The following ATF6 variants were observed in gnomAD, a reference collection of about 807,000 sequenced individuals.
ATF6 encodes the protein cyclic AMP-dependent transcription factor ATF-6 alpha.
A neutral mutation model predicts 83.6 loss-of-function variants in ATF6; 53 were observed. The observed-to-expected ratio is 0.63, with a 90% confidence interval of 0.51 to 0.80. The LOEUF is 0.80. ATF6 is among the 30% of genes least tolerant of loss of function. The pLI, the probability that ATF6 is intolerant of heterozygous loss-of-function variation, is 0.00. For missense variants in ATF6, 744 were observed against 797.9 expected (o/e 0.93, Z 0.81); for synonymous variants, 288 against 285.8 (o/e 1.01, Z -0.08).
chr1:161,917,919 C>T (rs956764379), intron 15 of ATF6, among the ~76,000 whole-genome samples: 18 of 152,100 alleles, frequency 1.2e-4, no homozygotes, highest in Admixed American at 5.9e-4. Context: ...ATAGATAATG[C>T]CTCAAGAAAG....
intron 14 of ATF6, among the ~76,000 whole-genome samples, chr1:161,900,579 T>C (rs550996622): frequency 6.6e-6 from 1 of 152,290 alleles, no homozygotes; most frequent in South Asian, 2.1e-4. Flanking sequence ...ATGTTACTTA[T>C]GAATATAATT....
chr1:161,884,299 A>G (rs1687375713), intron 14 of ATF6, among the ~76,000 whole-genome samples: 1 of 152,120 alleles, frequency 6.6e-6, no homozygotes, highest in Non-Finnish European at 1.5e-5. Context: ...TGAAACAAAC[A>G]CCTCTGCTTT....
At chr1:161,775,785 G>A (rs1684501218) in intron 1 of ATF6, among the ~76,000 whole-genome samples, 1 of 152,104 alleles carries the variant, frequency 6.6e-6, no homozygotes, top group East Asian at 1.9e-4. Context: ...TTTGGTGGAA[G>A]ATGGTATTTA....
intron 15 of ATF6, among the ~76,000 whole-genome samples, chr1:161,913,285 C>G (rs1688027776): frequency 6.6e-6 from 1 of 152,150 alleles, no homozygotes; most frequent in South Asian, 2.1e-4. Context: ...TTGAACTAAC[C>G]TGCAGTCGAA....
intron 15 of ATF6, among the ~76,000 whole-genome samples, chr1:161,939,349 G>T (rs1321849780): frequency 2.0e-5 from 3 of 152,098 alleles, no homozygotes; most frequent in African/African-American, 7.2e-5. Context: ...AAGTTCTAGG[G>T]TACATGTGCA....
intron 9 of ATF6, among the ~76,000 whole-genome samples, chr1:161,823,916 G>C (rs1361704562): frequency 6.6e-6 from 1 of 152,058 alleles, no homozygotes; most frequent in Non-Finnish European, 1.5e-5. Flanking sequence ...GGTATTTCCA[G>C]TTACTTGTTG....
chr1:161,906,978 AC>A (rs1687888108), intron 14 of ATF6, among the ~76,000 whole-genome samples: 1 of 151,560 alleles, frequency 6.6e-6, no homozygotes, highest in African/African-American at 2.4e-5. Context: ...TAATTTTACC[AC>A]CCCTAATTTT....
chr1:161,945,177 C>T (rs184948170), intron 15 of ATF6, among the ~76,000 whole-genome samples: 2 of 152,276 alleles, frequency 1.3e-5, no homozygotes, highest in South Asian at 2.1e-4. Flanking sequence ...AGTGAACCTG[C>T]AAATGATAGC....
intron 7 of ATF6, among the ~76,000 whole-genome samples, chr1:161,811,967 C>G (rs139320373): frequency 2.0e-4 from 31 of 152,228 alleles, no homozygotes; most frequent in African/African-American, 6.7e-4. Flanking sequence ...TTCTGTCAGT[C>G]GACCAAATAT....
intron 3 of ATF6, among the ~76,000 whole-genome samples, chr1:161,783,314 AGAAGATCATGAGG>A (rs1684678174): frequency 6.6e-6 from 1 of 152,180 alleles, no homozygotes; most frequent in East Asian, 1.9e-4. Flanking sequence ...ATCACATTGT[AGAAGATCATGAGG>A]GAAGATCATG....
chr1:161,932,666 G>C (rs1004893670), intron 15 of ATF6, among the ~76,000 whole-genome samples: 6 of 152,078 alleles, frequency 3.9e-5, no homozygotes, highest in African/African-American at 1.4e-4. Context: ...AACTTTAATG[G>C]CTTAAAGCAG....
chr1:161,797,789 T>C lies in ATF6; in HGVS notation c.689-4263T>C, dbSNP rs987504540. ...AATGCTATTCCTATCAAACTATCAA[T>C]GACATTTTTCACACAATTAGGAAAA... On this transcript the variant is annotated intron_variant, in intron 6 of 15. Transcript: ENST00000367942. 2.6e-5 allele frequency among the ~76,000 whole-genome samples: 4 copies of C among 152,130 alleles called. No individual in the cohort carries two copies. In the East Asian group the frequency reaches 5.8e-4, roughly 22 times the overall value.
At chr1:161,920,886 G>T (rs1014447800) in intron 15 of ATF6, among the ~76,000 whole-genome samples, 3 of 152,088 alleles carry the variant, frequency 2.0e-5, no homozygotes, top group African/African-American at 7.2e-5. Flanking sequence ...AACTATTTAG[G>T]CCTGGCTTCA....
Position 161,781,917 on chromosome 1 carries a change from C to T in ATF6, c.165C>T (p.Asn55=). Residue 55 remains asparagine, a synonymous_variant, in exon 3 of 16, where the codon AAC becomes AAT. Transcript: ENST00000367942. The stretch of plus-strand genomic sequence containing the variant: ...TGCTGATTTGAAACCTACAGGAAAA[C>T]AATTTTGATAATCTTGATTTTGATT... ...QLEAANETYE[N]NFDNLDFDLD... is the part of the protein sequence containing the mutation. The T allele has an allele frequency of 6.2e-7, 1 of 1,604,378 alleles. No individual in the cohort carries two copies.
chr1:161,843,728 AGGT>A (rs1686411630), intron 9 of ATF6, among the ~76,000 whole-genome samples: 1 of 152,170 alleles, frequency 6.6e-6, no homozygotes, highest in Non-Finnish European at 1.5e-5. Flanking sequence ...ATTTTGACCT[AGGT>A]GGTATTTCAG....
intron 14 of ATF6, among the ~76,000 whole-genome samples, chr1:161,878,059 T>G (rs149484560): frequency 1.2e-3 from 188 of 152,224 alleles, no homozygotes; most frequent in Non-Finnish European, 1.4e-3. Flanking sequence ...AATCTGGGAC[T>G]CAAGAGAGGA....
intron 1 of ATF6, among the ~76,000 whole-genome samples, chr1:161,769,539 A>G (rs1684338182): frequency 6.6e-6 from 1 of 152,214 alleles, no homozygotes; most frequent in Non-Finnish European, 1.5e-5. Context: ...AGGGAGGCAC[A>G]GGAAATGTTT....
intron 15 of ATF6, among the ~76,000 whole-genome samples, chr1:161,925,103 C>A (rs1192565796): frequency 6.6e-6 from 1 of 151,918 alleles, no homozygotes; most frequent in African/African-American, 2.4e-5. Context: ...TACTATATAC[C>A]CTCTGAGTCT....
chr1:161,955,701 A>G (rs2101922574), intron 15 of ATF6, among the ~76,000 whole-genome samples: 1 of 152,318 alleles, frequency 6.6e-6, no homozygotes, highest in South Asian at 2.1e-4. Flanking sequence ...AGATGTGGCT[A>G]TGTTGGGACT....
Sources: gnomAD v4.1 joint callset for allele counts (sites outside exome capture counted in the v4.1 genomes callset) on GRCh38, gnomAD v4.1.1 for gene constraint, MANE v1.5 for transcripts, NCBI Gene and HGNC (gene_info 2026-07-23, HGNC 2026-07-21) for gene names.